The following DNHD1 variants were observed in gnomAD, a reference collection of about 807,000 sequenced individuals.
DNHD1 encodes the protein dynein heavy chain domain 1.
A neutral mutation model predicts 458.1 loss-of-function variants in DNHD1; 383 were observed. The ratio of observed to expected loss-of-function variants is 0.84; its 90% CI spans 0.77 to 0.91. DNHD1 has a LOEUF of 0.91. DNHD1 is among the 40% of genes least tolerant of loss of function. DNHD1 has a pLI of 0.00. For synonymous variants in DNHD1, 2,203 were observed against 2,376.9 expected, an observed-to-expected ratio of 0.93 and a Z score of 2.13; for missense variants, 5,336 against 5,866.1, an observed-to-expected ratio of 0.91 and a Z score of 2.95.
At position 6,545,395 on chromosome 11, in the gene DNHD1, A is replaced by C; in HGVS notation, c.4456A>C (p.Lys1486Gln). The C allele has an allele frequency of 6.4e-7, 1 of 1,551,760 alleles. No homozygotes were observed. Among genetic ancestry groups the C allele is most frequent in the East Asian group, 2.4e-5 (1 of 40,920 alleles). ...SLGEALKQLPKQNKLYLQLYV... is the reference protein window; with the variant it reads ...SLGEALKQLPQQNKLYLQLYV... Reference sequence around the variant, plus strand: ...AGGTGAGGCCCTCAAGCAACTGCCCAAGCAAAACAAGTTGTACCTGCAACT... The same window carrying C: ...AGGTGAGGCCCTCAAGCAACTGCCCCAGCAAAACAAGTTGTACCTGCAACT... Residue 1486 changes from lysine to glutamine, a missense_variant, in exon 21 of 43, where the codon AAG becomes CAG. Physicochemically the swap from Lys to Gln is moderately conservative, Grantham distance 53 (BLOSUM62 1). Coordinates refer to ENST00000254579, the MANE Select transcript of DNHD1 (RefSeq NM_144666.3). The surrounding 1 kb of genome is among the most constrained non-coding windows in gnomAD (Gnocchi z 4.9).
Position 6,528,436 on chromosome 11 carries a change from T to TGTAC in DNHD1, c.1838-86_1838-85insGTAC, listed in dbSNP as rs397780353. ...GTGTGTGTGTGTGTGTGTGTGTGTG[T>TGTAC]ACACACACTGAGGGCAAGGAGAAAG... is the stretch of plus-strand genomic sequence containing the variant. On this transcript the variant is annotated intron_variant, in intron 10 of 42. Coordinates refer to ENST00000254579, the MANE Select transcript of DNHD1 (RefSeq NM_144666.3). 1.1e-5 allele frequency: 13 copies of TGTAC among 1,160,362 alleles called. No homozygotes were observed. The East Asian group carries it at 1.5e-4, about 14-fold the overall frequency. The allele number at this position is 1,160,362 out of a possible 1,614,324, so 71.9% of individuals were successfully genotyped here. A position where few individuals can be genotyped will look rare whatever the true frequency, so the allele number is the denominator to read the frequency against.
In DNHD1 at chr11:6,547,335, A is replaced by C. The variant is rs566690107; in HGVS notation, c.6396A>C (p.Thr2132=). The change falls in exon 21 of 43, where the codon ACA becomes ACC. Residue 2132 remains threonine, a synonymous_variant. Transcript: ENST00000254579. ...TFLLMEVADT[T]GISPTVVGCC... Reference sequence around the variant, plus strand: ...TCTTGATGGAGGTGGCTGACACAACAGGCATATCCCCCACAGTGGTAGGCT... The same window carrying C: ...TCTTGATGGAGGTGGCTGACACAACCGGCATATCCCCCACAGTGGTAGGCT... The C allele has an allele frequency of 5.8e-6, 9 of 1,551,764 alleles. No individual in the cohort carries two copies. The highest frequency in any genetic ancestry group is 7.8e-6 in the Non-Finnish European group (9 of 1,147,004).
rs779198912 is a variant in DNHD1 at position 6,539,308 on chromosome 11, A to G, written c.3415A>G (p.Asn1139Asp). ...YPLLEFADRI[N>D]QVWQNENERI... is the part of the protein sequence containing the mutation. ...ACTGCTGGAGTTTGCAGATCGAATC[A>G]ACCAGGTGGGGCCCTCAGTACAGGG... is the stretch of plus-strand genomic sequence containing the variant. Residue 1139 changes from asparagine (N) to aspartate (D), a missense_variant, in exon 17 of 43, where the codon AAC becomes GAC. Around this residue, in one of 4 missense-constraint regions of DNHD1, gnomAD observed 3,932 missense variants for 4,365.6 expected, o/e 0.90. Transcript: ENST00000254579. 2.6e-5 allele frequency: 41 copies of G among 1,551,032 alleles called. No homozygotes were observed. The highest frequency in any genetic ancestry group is 3.2e-5 in the Non-Finnish European group (37 of 1,146,574).
At position 6,570,501 on chromosome 11, in the gene DNHD1, T is replaced by A. The variant is rs992304726; in HGVS notation, c.13105+105T>A. ...GTCTCAATAAAGGTATATGAGGGGG[T>A]AATATTCATACTGTTATGGGGGTGA... On this transcript the variant is annotated intron_variant, in intron 41 of 42. Transcript: ENST00000254579. 4 of 1,478,898 alleles carry A rather than the reference T, an allele frequency of 2.7e-6. No individual in the cohort carries two copies. The African/African-American group carries it at 4.2e-5, about 16-fold the overall frequency. 91.6% of individuals were successfully genotyped at this position (1,478,898 alleles called of 1,614,324 possible). A position where few individuals can be genotyped will look rare whatever the true frequency, so the allele number is the denominator to read the frequency against.
chr11:6,538,548 G>A, intron 15 of DNHD1, 38 bp downstream of exon 15: 1 of 1,551,700 alleles, frequency 6.4e-7, no homozygotes. Context: ...GACTGGGAGT[G>A]GAGGACTACA....
At chr11:6,551,748 C>A (rs776882422) in intron 24 of DNHD1, among the ~76,000 whole-genome samples, 6 of 152,304 alleles carry the variant, frequency 3.9e-5, no homozygotes, top group Middle Eastern at 3.4e-3. Flanking sequence ...GGAGACCATC[C>A]TGGCCAACAT....
At chr11:6,549,034 C>T in intron 24 of DNHD1, 101 bp downstream of exon 24, 2 of 1,302,276 alleles carry the variant, frequency 1.5e-6, no homozygotes, top group Non-Finnish European at 2.1e-6. Flanking sequence ...GTCTGTAGAT[C>T]TAACTTTAGT....
At position 6,558,930 on chromosome 11, in the gene DNHD1, C is replaced by T. The variant is rs754894440; in HGVS notation, c.9240C>T (p.Ala3080=). The change falls in exon 27 of 43, where the codon GCC becomes GCT. Residue 3080 remains alanine (A), a synonymous_variant. Transcript: ENST00000254579. ...CCTGGAAGTACCCAGACCTCCAGGC[C>T]TCAATTCCCAGTGTGGCCAAAGCCA... ...DGSWKYPDLQ[A]SIPSVAKAMA... 1 of 1,551,698 alleles carries T rather than the reference C, an allele frequency of 6.4e-7. No individual in the cohort carries two copies.
chr11:6,557,350 G>A lies in DNHD1; in HGVS notation c.8055G>A (p.Gly2685=). The A allele has an allele frequency of 6.4e-7, 1 of 1,551,442 alleles. No homozygotes were observed. The highest frequency in any genetic ancestry group is 1.2e-5 in the South Asian group (1 of 84,052). ...VAQSVFCCGP[G]PQHLGKDHQE... is the part of the protein sequence containing the mutation. ...AAAGTGTCTTCTGCTGTGGGCCAGGGCCCCAGCACCTGGGCAAGGACCATC... is the reference window on the plus strand; with the variant it reads ...AAAGTGTCTTCTGCTGTGGGCCAGGACCCCAGCACCTGGGCAAGGACCATC... The change falls in exon 25 of 43, where the codon GGG becomes GGA. Residue 2685 remains glycine (G), a synonymous_variant. Coordinates refer to ENST00000254579, the MANE Select transcript of DNHD1 (RefSeq NM_144666.3).
In DNHD1 at chr11:6,551,752, C is replaced by A. The variant is rs190692038; in HGVS notation, c.7387+2819C>A. Among the ~76,000 whole-genome samples the A allele has an allele frequency of 4.2e-4, 64 of 152,132 alleles. 1 individual carries two copies. In the East Asian group the frequency reaches 0.012, roughly 29 times the overall value. ...GGTCAGGAGATGGAGACCATCCTGGCCAACATGGTGAAACCCCGTCTCTAC... is the reference window on the plus strand; with the variant it reads ...GGTCAGGAGATGGAGACCATCCTGGACAACATGGTGAAACCCCGTCTCTAC... On this transcript the variant is annotated intron_variant, in intron 24 of 42. Coordinates refer to ENST00000254579, the MANE Select transcript of DNHD1 (RefSeq NM_144666.3).
chr11:6,511,043 C>G (rs1044447635), intron 6 of DNHD1, among the ~76,000 whole-genome samples: 1 of 152,208 alleles, frequency 6.6e-6, no homozygotes, highest in Non-Finnish European at 1.5e-5. Context: ...TAAGCACTTG[C>G]ACATACCCCA....
intron 28 of DNHD1, among the ~76,000 whole-genome samples, chr11:6,560,611 C>A (rs1853566832): frequency 6.6e-6 from 1 of 152,140 alleles, no homozygotes; most frequent in South Asian, 2.1e-4. Context: ...GTCAGTTACA[C>A]CAGAGCAGAA....
At position 6,571,013 on chromosome 11, in the gene DNHD1, C is replaced by G; in HGVS notation, c.13501C>G (p.Arg4501Gly). 2 of 1,594,972 alleles carry G rather than the reference C, an allele frequency of 1.3e-6. No individual in the cohort carries two copies. The highest frequency in any genetic ancestry group is 1.7e-6 in the Non-Finnish European group (2 of 1,167,882). The change falls in exon 42 of 43, where the codon CGC (arginine) becomes GGC (glycine). Residue 4501 changes from arginine (R) to glycine (G), a missense_variant. This residue lies in a region of DNHD1 where 698 missense variants were observed against 664.9 expected (regional missense o/e 1.05). Transcript: ENST00000254579. The surrounding 1 kb of genome is among the most constrained non-coding windows in gnomAD (Gnocchi z 5.0). The part of the protein sequence containing the change: ...ELSQLVGTLQ[R>G]DLDCLLQQLK... ...GAGCCAGTTGGTGGGCACGCTACAA[C>G]GCGACCTTGATTGCCTGTTGCAGCA...
chr11:6,544,507 G>A (rs1853164690), intron 19 of DNHD1, 67 bp from the exon 20 acceptor site: 3 of 1,330,380 alleles, frequency 2.3e-6, no homozygotes, highest in Admixed American at 2.0e-5. Context: ...CAGGAGCAGG[G>A]TGGACTCCCC....
chr11:6,563,366 A>G lies in DNHD1; in HGVS notation c.9670-16A>G. On this transcript the variant is annotated splice_polypyrimidine_tract_variant and intron_variant, in intron 29 of 42. Transcript: ENST00000254579. The stretch of plus-strand genomic sequence containing the variant: ...ATCTCAGGAGCTCACTTCAGAGGGT[A>G]TCTCTCCTCATTTAGATGAGCAAGG... 11 of 1,551,332 alleles carry G rather than the reference A, an allele frequency of 7.1e-6. No individual in the cohort carries two copies. Among genetic ancestry groups the G allele is most frequent in the Non-Finnish European group, 9.6e-6 (11 of 1,146,650 alleles).
In DNHD1 at chr11:6,545,627, C is replaced by T; in HGVS notation, c.4688C>T (p.Pro1563Leu). The change falls in exon 21 of 43, where the codon CCT becomes CTT. Residue 1563 changes from proline (P) to leucine (L), a missense_variant. Coordinates refer to ENST00000254579, the MANE Select transcript of DNHD1 (RefSeq NM_144666.3). This position sits in a 1 kb window ranked among gnomAD's most constrained non-coding sequence, Gnocchi z 4.9. ...QRASQGGQSL[P>L]SVRQTSLLSA... Reference sequence around the variant, plus strand: ...GCTTCCCAAGGTGGGCAGTCCCTGCCTTCTGTCCGCCAGACCAGCCTTCTC... The same window carrying T: ...GCTTCCCAAGGTGGGCAGTCCCTGCTTTCTGTCCGCCAGACCAGCCTTCTC... The T allele has an allele frequency of 1.9e-6, 3 of 1,551,864 alleles. No individual in the cohort carries two copies. Among genetic ancestry groups the T allele is most frequent in the Non-Finnish European group, 2.6e-6 (3 of 1,147,030 alleles).
intron 17 of DNHD1, 122 bp downstream of exon 17, chr11:6,539,435 T>A: frequency 1.4e-6 from 1 of 728,690 alleles, no homozygotes; most frequent in Non-Finnish European, 2.3e-6. Context: ...CTAACCTGCC[T>A]GAAGGGCAGG....
intron 25 of DNHD1, 22 bp downstream of exon 25, chr11:6,558,319 G>A (rs1853513498): frequency 6.5e-7 from 1 of 1,546,616 alleles, no homozygotes; most frequent in South Asian, 1.2e-5. Flanking sequence ...AACCCCATAT[G>A]CGAATCTGCT....
At position 6,548,487 on chromosome 11, in the gene DNHD1, C is replaced by T. The variant is rs1853270103; in HGVS notation, c.7098+85C>T. ...TCCATGTTCAAAGATCAGCTGAGGCCCACTTGCTCCCTTTCTTTGATATAT... is the reference window on the plus strand; with the variant it reads ...TCCATGTTCAAAGATCAGCTGAGGCTCACTTGCTCCCTTTCTTTGATATAT... On this transcript the variant is annotated intron_variant, in intron 23 of 42. Transcript: ENST00000254579. This position sits in a 1 kb window ranked among gnomAD's most constrained non-coding sequence, Gnocchi z 4.4. The T allele has an allele frequency of 1.4e-6, 2 of 1,458,008 alleles. No homozygotes were observed. The highest frequency in any genetic ancestry group is 1.9e-6 in the Non-Finnish European group (2 of 1,079,464). The allele number at this position is 1,458,008 out of a possible 1,614,324, so 90.3% of individuals were successfully genotyped here. A position where few individuals can be genotyped will look rare whatever the true frequency, so the allele number is the denominator to read the frequency against.
Sources: gnomAD v4.1 joint callset for allele counts (sites outside exome capture counted in the v4.1 genomes callset) on GRCh38, gnomAD v4.1.1 for gene constraint, gnomAD v4.1.1 regional missense constraint, Gnocchi (gnomAD v3.1) non-coding constraint, MANE v1.5 for transcripts, NCBI Gene and HGNC (gene_info 2026-07-23, HGNC 2026-07-21) for gene names.